The following GRID1 variants were observed in gnomAD, a reference collection of about 807,000 sequenced individuals.
The protein encoded by GRID1 is glutamate ionotropic receptor delta type subunit 1, also known as glutamate receptor ionotropic, delta-1.
GRID1 carries 28 observed loss-of-function variants against 98.0 expected under a neutral mutation model. The ratio of observed to expected loss-of-function variants is 0.29; its 90% CI spans 0.21 to 0.39. The LOEUF (loss-of-function observed/expected upper bound fraction) is 0.39. GRID1 is among the 10% of genes least tolerant of loss of function. The probability of loss-of-function intolerance (pLI) is 1.00; values close to 1 mark genes in which losing one functional copy is unlikely to be tolerated. For synonymous variants in GRID1, 553 were observed against 538.5 expected (o/e 1.03, Z -0.37); for missense variants, 1,111 against 1,340.5 (o/e 0.83, Z 2.67).
At chr10:86,056,868 G>A (rs534026929) in intron 4 of GRID1, among the ~76,000 whole-genome samples, 13 of 152,330 alleles carry the variant, frequency 8.5e-5, no homozygotes, top group African/African-American at 2.9e-4. Flanking sequence ...TAGGGCCTCG[G>A]GCCCATCTGC....
At chr10:86,038,817 A>G (rs916605656) in intron 4 of GRID1, among the ~76,000 whole-genome samples, 5 of 152,248 alleles carry the variant, frequency 3.3e-5, no homozygotes, top group Non-Finnish European at 7.3e-5. Context: ...GACTTGCAGA[A>G]GATGGTCTTA....
intron 13 of GRID1, among the ~76,000 whole-genome samples, chr10:85,638,770 A>G (rs555451116): frequency 2.0e-5 from 3 of 152,232 alleles, no homozygotes; most frequent in South Asian, 4.1e-4. Flanking sequence ...TATTAACAAA[A>G]GACTTAAGCA....
At chr10:85,833,454 T>C (rs1454113471) in intron 8 of GRID1, among the ~76,000 whole-genome samples, 5 of 150,372 alleles carry the variant, frequency 3.3e-5, no homozygotes, top group South Asian at 2.1e-4. Flanking sequence ...AATTAAGTAG[T>C]CACTGAAAGC....
chr10:85,787,667 G>A (rs1842441788), intron 8 of GRID1, among the ~76,000 whole-genome samples: 1 of 152,142 alleles, frequency 6.6e-6, no homozygotes, highest in African/African-American at 2.4e-5. Flanking sequence ...CACTCGTGTG[G>A]ACCACAGTGG....
At chr10:86,207,726 G>A (rs1846051343) in intron 2 of GRID1, among the ~76,000 whole-genome samples, 1 of 144,254 alleles carries the variant, frequency 6.9e-6, no homozygotes, top group South Asian at 2.3e-4. Flanking sequence ...CCGCCTCCCG[G>A]GTTCACGCCA....
chr10:86,356,184 A>G (rs960350721), intron 2 of GRID1, among the ~76,000 whole-genome samples: 3 of 152,152 alleles, frequency 2.0e-5, no homozygotes, highest in African/African-American at 7.2e-5. Context: ...CAGCACATGG[A>G]AGGGCTGCCC....
At chr10:85,940,162 G>T (rs1033376498) in intron 4 of GRID1, among the ~76,000 whole-genome samples, 2 of 151,746 alleles carry the variant, frequency 1.3e-5, no homozygotes. Flanking sequence ...GTAGCAAACT[G>T]TCAGAGGAAT....
intron 5 of GRID1, among the ~76,000 whole-genome samples, chr10:85,893,071 T>C (rs1841227981): frequency 6.6e-6 from 1 of 152,132 alleles, no homozygotes; most frequent in Non-Finnish European, 1.5e-5. Flanking sequence ...GACTGCAGGT[T>C]GGTTTTACAC....
At chr10:85,865,879 G>C (rs959170361) in intron 6 of GRID1, among the ~76,000 whole-genome samples, 2 of 140,480 alleles carry the variant, frequency 1.4e-5, no homozygotes, top group African/African-American at 5.4e-5. Context: ...AATGGAGACA[G>C]AGATTCCTTT....
At chr10:85,757,874 T>C (rs1842113795) in intron 8 of GRID1, among the ~76,000 whole-genome samples, 1 of 152,238 alleles carries the variant, frequency 6.6e-6, no homozygotes, top group African/African-American at 2.4e-5. Flanking sequence ...TCAGTAAATA[T>C]TGCAGCATGC....
At chr10:86,041,807 G>C (rs1251900551) in intron 4 of GRID1, among the ~76,000 whole-genome samples, 1 of 152,192 alleles carries the variant, frequency 6.6e-6, no homozygotes, top group Non-Finnish European at 1.5e-5. Flanking sequence ...GAAAGGAGGA[G>C]CGTGAGTGTA....
chr10:85,694,444 TA>T (rs1426336305), intron 12 of GRID1, among the ~76,000 whole-genome samples: 1 of 151,204 alleles, frequency 6.6e-6, no homozygotes, highest in Non-Finnish European at 1.5e-5. Flanking sequence ...AACAAATCAC[TA>T]TATCAGAAAG....
At position 86,194,735 on chromosome 10, in the gene GRID1, T is replaced by C. The variant is rs1408584335; in HGVS notation, c.520+11629A>G. Among the ~76,000 whole-genome samples the C allele has an allele frequency of 2.0e-5, 3 of 152,116 alleles. 1 individual carries two copies. Among genetic ancestry groups the C allele is most frequent in the Non-Finnish European group, 4.4e-5 (3 of 67,970 alleles). On this transcript the variant is annotated intron_variant, in intron 3 of 15. Coordinates refer to ENST00000327946, the MANE Select transcript of GRID1 (RefSeq NM_017551.3). ...CCCTTAGAACACAAGGCAGCCCCTC[T>C]GCCCTGCTGGAACCCCTCACATTGG...
chr10:86,094,922 A>G (rs1165902197), intron 4 of GRID1, among the ~76,000 whole-genome samples: 1 of 152,206 alleles, frequency 6.6e-6, no homozygotes, highest in Non-Finnish European at 1.5e-5. Flanking sequence ...ATCTGGAGGC[A>G]TCACATTACC....
chr10:85,972,274 T>TC (rs1842417884), intron 4 of GRID1, among the ~76,000 whole-genome samples: 1 of 151,528 alleles, frequency 6.6e-6, no homozygotes, highest in Admixed American at 6.6e-5. Flanking sequence ...TCTCATTCCA[T>TC]CCTTTGGCAC....
intron 3 of GRID1, among the ~76,000 whole-genome samples, chr10:86,194,856 G>A (rs1235430382): frequency 6.6e-6 from 1 of 151,938 alleles, no homozygotes; most frequent in East Asian, 1.9e-4. Flanking sequence ...GCTCTATGGT[G>A]AGCACTGCAC....
chr10:86,068,140 A>G (rs980064173), intron 4 of GRID1, among the ~76,000 whole-genome samples: 4 of 152,188 alleles, frequency 2.6e-5, no homozygotes, highest in African/African-American at 9.7e-5. Flanking sequence ...CCATTTACAG[A>G]TAAGGAAACT....
chr10:86,079,806 C>T (rs1049121825), intron 4 of GRID1, among the ~76,000 whole-genome samples: 5 of 152,192 alleles, frequency 3.3e-5, no homozygotes, highest in East Asian at 1.9e-4. Context: ...CCCCCTTTGA[C>T]CTAACAGTTA....
chr10:85,718,807 G>C (rs937689126), intron 12 of GRID1, among the ~76,000 whole-genome samples: 1 of 152,176 alleles, frequency 6.6e-6, no homozygotes. Flanking sequence ...TTTTCCCCAC[G>C]GTCTTGGGGA....
Sources: gnomAD v4.1 joint callset for allele counts (sites outside exome capture counted in the v4.1 genomes callset) on GRCh38, gnomAD v4.1.1 for gene constraint, MANE v1.5 for transcripts, NCBI Gene and HGNC (gene_info 2026-07-23, HGNC 2026-07-21) for gene names.